ITGB6: variants seen among roughly 807,000 people sequenced by gnomAD.
The protein encoded by ITGB6 is integrin subunit beta 6.
Under a neutral mutation model 84.5 loss-of-function variants are expected in ITGB6, and 80 were observed. The ratio of observed to expected loss-of-function variants is 0.95; its 90% CI spans 0.79 to 1.14. The LOEUF is 1.14. Among genes scored for constraint, ITGB6 ranks in the 50% most tolerant of loss-of-function variants. ITGB6 has a pLI of 0.00. For missense variants in ITGB6, 1,006 were observed against 968.0 expected (o/e 1.04, Z -0.52); for synonymous variants, 383 against 354.9 (o/e 1.08, Z -0.89).
intron 13 of ITGB6, among the ~76,000 whole-genome samples, chr2:160,108,249 G>C (rs1696989069): frequency 6.9e-6 from 1 of 144,978 alleles, no homozygotes; most frequent in South Asian, 2.2e-4. Context: ...GTGTGTGTGT[G>C]TGTGTGCTGC....
chr2:160,112,937 C>T (rs1460744522), intron 12 of ITGB6, among the ~76,000 whole-genome samples: 1 of 152,128 alleles, frequency 6.6e-6, no homozygotes, highest in African/African-American at 2.4e-5. Flanking sequence ...GATGCCAGTA[C>T]TATCTACCAG....
At chr2:160,105,868 A>G (rs141570009) in intron 14 of ITGB6, among the ~76,000 whole-genome samples, 79 of 152,312 alleles carry the variant, frequency 5.2e-4, no homozygotes, top group African/African-American at 1.8e-3. Context: ...TACCTTTTAC[A>G]TTGTTAGGGA....
intron 2 of ITGB6, among the ~76,000 whole-genome samples, chr2:160,198,245 A>C (rs1208030528): frequency 1.3e-5 from 2 of 152,300 alleles, no homozygotes; most frequent in African/African-American, 4.8e-5. Flanking sequence ...GCGTTGGTCA[A>C]GGCCGTAGTA....
chr2:160,162,918 C>A (rs780217814), intron 7 of ITGB6, among the ~76,000 whole-genome samples: 2 of 152,154 alleles, frequency 1.3e-5, no homozygotes, highest in Non-Finnish European at 2.9e-5. Context: ...TGCACCCGGC[C>A]GAGTGTTTAT....
At chr2:160,111,246 C>T (rs760604522) in intron 13 of ITGB6, among the ~76,000 whole-genome samples, 4 of 152,018 alleles carry the variant, frequency 2.6e-5, no homozygotes, top group Non-Finnish European at 2.9e-5. Flanking sequence ...AGAATCAATA[C>T]TGTAAGGGAT....
intron 14 of ITGB6, among the ~76,000 whole-genome samples, chr2:160,105,018 G>A (rs185484389): frequency 3.9e-5 from 6 of 152,242 alleles, no homozygotes; most frequent in Admixed American, 3.3e-4. Flanking sequence ...GAAGAAATAG[G>A]TTTTAGGGAA....
intron 4 of ITGB6, among the ~76,000 whole-genome samples, chr2:160,189,725 G>A (rs1269940292): frequency 6.6e-6 from 1 of 151,902 alleles, no homozygotes; most frequent in African/African-American, 2.4e-5. Flanking sequence ...AGAGGATGTG[G>A]AGAAATAGGA....
chr2:160,151,816 T>C (rs1014757493), intron 7 of ITGB6, among the ~76,000 whole-genome samples: 8 of 151,966 alleles, frequency 5.3e-5, no homozygotes, highest in Non-Finnish European at 8.8e-5. Flanking sequence ...ATACTATAAA[T>C]ACCTCAATGC....
chr2:160,180,030 T>A (rs1447221174), intron 4 of ITGB6, among the ~76,000 whole-genome samples: 2 of 151,074 alleles, frequency 1.3e-5, no homozygotes, highest in Non-Finnish European at 2.9e-5. Flanking sequence ...GCAGAATCGC[T>A]TGAACCTGGG....
At chr2:160,120,529 A>C in intron 12 of ITGB6, among the ~76,000 whole-genome samples, 1 of 27,648 alleles carries the variant, frequency 3.6e-5, no homozygotes, top group South Asian at 1.1e-3. Context: ...GGGTCGGGGG[A>C]GGGGGAAGGG....
At chr2:160,110,048 A>G (rs1207779410) in intron 13 of ITGB6, among the ~76,000 whole-genome samples, 1 of 152,170 alleles carries the variant, frequency 6.6e-6, no homozygotes, top group East Asian at 1.9e-4. Context: ...AATTACATAT[A>G]GGGTTTGCCT....
intron 4 of ITGB6, among the ~76,000 whole-genome samples, chr2:160,194,934 A>G (rs1436900622): frequency 1.3e-5 from 2 of 151,946 alleles, no homozygotes; most frequent in Non-Finnish European, 2.9e-5. Context: ...AGTTGCAAAA[A>G]TTATTATTTT....
chr2:160,182,791 C>T (rs537592262), intron 4 of ITGB6, among the ~76,000 whole-genome samples: 1 of 152,318 alleles, frequency 6.6e-6, no homozygotes, highest in African/African-American at 2.4e-5. Flanking sequence ...AACAGCATAT[C>T]TCTCTGCAGA....
intron 14 of ITGB6, among the ~76,000 whole-genome samples, chr2:160,102,430 C>T (rs1696755733): frequency 6.6e-6 from 1 of 152,202 alleles, no homozygotes; most frequent in Non-Finnish European, 1.5e-5. Flanking sequence ...AACACTTGCC[C>T]TGGGTAGCCA....
rs577677938 is a variant in ITGB6 at position 160,134,211 on chromosome 2, G to C, written c.1660+3223C>G. On this transcript the variant is annotated intron_variant, in intron 10 of 14. Transcript: ENST00000283249. ...GAATCAAATAGATGCAACAAAAAAT[G>C]ATAAACGGGATATCACCACTGATCC... 4.6e-5 allele frequency among the ~76,000 whole-genome samples: 7 copies of C among 152,320 alleles called. 1 individual carries two copies. The South Asian group carries it at 1.0e-3, about 23-fold the overall frequency.
intron 4 of ITGB6, among the ~76,000 whole-genome samples, chr2:160,184,885 A>G (rs1204754561): frequency 6.6e-6 from 1 of 152,186 alleles, no homozygotes; most frequent in African/African-American, 2.4e-5. Flanking sequence ...AAATCACATG[A>G]TTATCTCAAT....
chr2:160,166,538 C>T (rs1459224515), intron 7 of ITGB6, among the ~76,000 whole-genome samples: 8 of 152,196 alleles, frequency 5.3e-5, no homozygotes, highest in Admixed American at 3.3e-4. Flanking sequence ...GTTTAGTGGC[C>T]TGATACTATG....
At chr2:160,122,802 A>G (rs1683094650) in intron 12 of ITGB6, among the ~76,000 whole-genome samples, 2 of 152,200 alleles carry the variant, frequency 1.3e-5, no homozygotes, top group Admixed American at 1.3e-4. Context: ...AAAACAATAT[A>G]AAGTTCATTA....
intron 10 of ITGB6, among the ~76,000 whole-genome samples, chr2:160,136,445 T>A (rs1029391825): frequency 9.2e-5 from 14 of 152,172 alleles, no homozygotes; most frequent in African/African-American, 3.4e-4. Context: ...ACTTTTACAC[T>A]GTTGGTGGGA....
Sources: gnomAD v4.1 joint callset for allele counts (sites outside exome capture counted in the v4.1 genomes callset) on GRCh38, gnomAD v4.1.1 for gene constraint, MANE v1.5 for transcripts, NCBI Gene and HGNC (gene_info 2026-07-23, HGNC 2026-07-21) for gene names.